The following JPH2 variants were observed in gnomAD, a reference collection of about 807,000 sequenced individuals.
JPH2 encodes junctophilin 2, also known as junctophilin-2.
A neutral mutation model predicts 55.9 loss-of-function variants in JPH2; 38 were observed. The ratio of observed to expected loss-of-function variants is 0.68; its 90% CI spans 0.52 to 0.89. JPH2 has a LOEUF of 0.89. Ranked by LOEUF, JPH2 falls within the 40% of genes least tolerant of loss-of-function variation. The probability of loss-of-function intolerance (pLI) is 0.00; values close to 1 mark genes in which losing one functional copy is unlikely to be tolerated. For missense variants in JPH2, 964 were observed against 1,037.6 expected (o/e 0.93, Z 0.97); for synonymous variants, 480 against 472.4 (o/e 1.02, Z -0.21).
chr20:44,172,227 A>C (rs377624702), intron 1 of JPH2, among the ~76,000 whole-genome samples: 2 of 152,214 alleles, frequency 1.3e-5, no homozygotes, highest in Admixed American at 1.3e-4. Flanking sequence ...AATACCGGGC[A>C]GTTTCAGGCA....
At chr20:44,164,203 A>C (rs1443027045) in intron 1 of JPH2, among the ~76,000 whole-genome samples, 4 of 152,208 alleles carry the variant, frequency 2.6e-5, no homozygotes, top group Non-Finnish European at 5.9e-5. Context: ...GGTATAGCTG[A>C]TGAAAAATGG....
intron 1 of JPH2, among the ~76,000 whole-genome samples, chr20:44,164,251 C>T (rs970606092): frequency 1.3e-5 from 2 of 152,120 alleles, no homozygotes; most frequent in African/African-American, 4.8e-5. Context: ...GTCGCATTTC[C>T]CAAGCTCATT....
intron 2 of JPH2, among the ~76,000 whole-genome samples, chr20:44,133,895 TATATATAA>T (rs1282274521): frequency 4.4e-5 from 2 of 45,128 alleles, no homozygotes; most frequent in Non-Finnish European, 7.8e-5. Flanking sequence ...TTATTATAAA[TATATATAA>T]ATAAATATAC....
chr20:44,168,556 A>G (rs1036814742), intron 1 of JPH2, among the ~76,000 whole-genome samples: 1 of 152,244 alleles, frequency 6.6e-6, no homozygotes, highest in African/African-American at 2.4e-5. Flanking sequence ...ATCTTAATGG[A>G]TACAGGTAAC....
intron 1 of JPH2, among the ~76,000 whole-genome samples, chr20:44,166,169 T>A (rs942376682): frequency 6.6e-6 from 1 of 152,228 alleles, no homozygotes; most frequent in African/African-American, 2.4e-5. Context: ...GTTTTGTCCA[T>A]CTGCAAACAG....
intron 1 of JPH2, among the ~76,000 whole-genome samples, chr20:44,182,887 G>T (rs577171200): frequency 6.6e-6 from 1 of 152,158 alleles, no homozygotes; most frequent in Non-Finnish European, 1.5e-5. Flanking sequence ...CAGTAGTACT[G>T]GTTGCATGAA....
chr20:44,159,501 T>G lies in JPH2; in HGVS notation c.1169+117A>C. 1 of 1,065,082 alleles carries G rather than the reference T, an allele frequency of 9.4e-7. No individual in the cohort carries two copies. The highest frequency in any genetic ancestry group is 1.4e-6 in the Non-Finnish European group (1 of 728,696). 66.0% of individuals were successfully genotyped at this position (1,065,082 alleles called of 1,614,324 possible). A position where few individuals can be genotyped will look rare whatever the true frequency, so the allele number is the denominator to read the frequency against. On this transcript the variant is annotated intron_variant, in intron 2 of 5. Coordinates refer to ENST00000372980, the MANE Select transcript of JPH2 (RefSeq NM_020433.5). This position sits in a 1 kb window ranked among gnomAD's most constrained non-coding sequence, Gnocchi z 5.7. ...AGAGCCTCCAATTAACCCCTGAAGG[T>G]GATGGGGGTAAAAGAAGCAGAATCA... is the stretch of plus-strand genomic sequence containing the variant.
chr20:44,164,146 A>G (rs1440055774), intron 1 of JPH2, among the ~76,000 whole-genome samples: 1 of 152,248 alleles, frequency 6.6e-6, no homozygotes, highest in Non-Finnish European at 1.5e-5. Flanking sequence ...AAGGAAGTGG[A>G]AAATGGGATT....
At position 44,134,661 on chromosome 20, in the gene JPH2, TA is replaced by T. The variant is rs1569195075; in HGVS notation, c.1170-16039del. Among the ~76,000 whole-genome samples the T allele has an allele frequency of 7.4e-4, 23 of 31,200 alleles. 1 individual carries two copies. The highest frequency in any genetic ancestry group is 1.0e-3 in the Non-Finnish European group (20 of 19,330). The allele number at this position is 31,200 out of a possible 152,430, so 20.5% of individuals were successfully genotyped here. A position where few individuals can be genotyped will look rare whatever the true frequency, so the allele number is the denominator to read the frequency against. Reference sequence around the variant, plus strand: ...AATATATAAATATTTATTATAAATATATATAAATATATATTTATAAATATTA... The same window carrying T: ...AATATATAAATATTTATTATAAATATTATAAATATATATTTATAAATATTA... On this transcript the variant is annotated intron_variant, in intron 2 of 5. Coordinates refer to ENST00000372980, the MANE Select transcript of JPH2 (RefSeq NM_020433.5).
In JPH2 at chr20:44,116,050, C is replaced by T. The variant is rs369279135; in HGVS notation, c.1625G>A (p.Arg542His). The change falls in exon 4 of 6, where the codon CGC becomes CAC. Residue 542 changes from arginine to histidine, a missense_variant. By Grantham distance (29) the Arg-to-His change is conservative (BLOSUM62 0). Transcript: ENST00000372980. Reference protein sequence around the residue: ...RRSPARPATERMAIEALQAPP... With the variant: ...RRSPARPATEHMAIEALQAPP... ...TGCCTGCAGAGCCTCGATGGCCATG[C>T]GCTCGGTGGCTGGACGCGCGGGGCT... is the stretch of plus-strand genomic sequence containing the variant. The T allele has an allele frequency of 2.4e-5, 38 of 1,562,560 alleles. No individual in the cohort carries two copies. The highest frequency in any genetic ancestry group is 5.8e-5 in the South Asian group (5 of 86,762).
chr20:44,177,301 C>T (rs2072742287), intron 1 of JPH2: 3 of 985,990 alleles, frequency 3.0e-6, no homozygotes, highest in Non-Finnish European at 3.6e-6. Flanking sequence ...AAATGAGACT[C>T]GGCATTCCTC....
At chr20:44,137,603 G>GCCAC (rs1229188872) in intron 2 of JPH2, among the ~76,000 whole-genome samples, 1 of 152,234 alleles carries the variant, frequency 6.6e-6, no homozygotes, top group Non-Finnish European at 1.5e-5. Context: ...GGAGGAAGAA[G>GCCAC]CCACCAGGCG....
chr20:44,167,546 C>G (rs1184267683), intron 1 of JPH2, among the ~76,000 whole-genome samples: 1 of 152,090 alleles, frequency 6.6e-6, no homozygotes, highest in African/African-American at 2.4e-5. Flanking sequence ...TATTGGTGTA[C>G]ATGTAAAATG....
intron 1 of JPH2, among the ~76,000 whole-genome samples, chr20:44,171,071 C>G (rs527371437): frequency 8.5e-5 from 13 of 152,250 alleles, no homozygotes; most frequent in African/African-American, 3.1e-4. Flanking sequence ...GCAGGTTACT[C>G]CCCATCTCAA....
rs1236878549 is a variant in JPH2 at position 44,110,351 on chromosome 20, A to G, written c.*3167T>C. On this transcript the variant is annotated 3_prime_UTR_variant, in exon 6 of 6. Transcript: ENST00000372980. ...CAATTCCCTCCCCATTTCCACTCCC[A>G]CCTCCCCTCCTGTGCTTCCTCCAAG... 2.1e-5 allele frequency among the ~76,000 whole-genome samples: 3 copies of G among 146,006 alleles called. No individual in the cohort carries two copies. Among genetic ancestry groups the G allele is most frequent in the Non-Finnish European group, 4.5e-5 (3 of 66,324 alleles).
At position 44,116,166 on chromosome 20, in the gene JPH2, C is replaced by T; in HGVS notation, c.1509G>A (p.Lys503=). Residue 503 remains lysine (K), a synonymous_variant, in exon 4 of 6, where the codon AAG becomes AAA. Coordinates refer to ENST00000372980, the MANE Select transcript of JPH2 (RefSeq NM_020433.5). ...QPKRPRPGVS[K]DGLLSPGAWN... The stretch of plus-strand genomic sequence containing the variant: ...AGGCGCCTGGGCTCAGCAGGCCGTC[C>T]TTGGACACCCCGGGCCTGGGCCGCT... The T allele has an allele frequency of 7.1e-7, 1 of 1,415,492 alleles. No homozygotes were observed. 87.7% of individuals were successfully genotyped at this position (1,415,492 alleles called of 1,614,324 possible).
chr20:44,149,962 G>GA lies in JPH2; in HGVS notation c.1169+9655_1169+9656insT, dbSNP rs374913556. Reference sequence around the variant, plus strand: ...ACTGCACTCCAGCCTGGGCGACAGAGGAAAAAAAAAAAAAAAAAAAAAAAA... The same window carrying GA: ...ACTGCACTCCAGCCTGGGCGACAGAGAGAAAAAAAAAAAAAAAAAAAAAAAA... On this transcript the variant is annotated intron_variant, in intron 2 of 5. Coordinates refer to ENST00000372980, the MANE Select transcript of JPH2 (RefSeq NM_020433.5). Among the ~76,000 whole-genome samples the GA allele has an allele frequency of 3.2e-4, 37 of 116,758 alleles. 1 individual carries two copies. The highest frequency in any genetic ancestry group is 6.5e-4 in the East Asian group (3 of 4,586). The allele number at this position is 116,758 out of a possible 152,430, so 76.6% of individuals were successfully genotyped here.
chr20:44,156,301 T>A (rs941526547), intron 2 of JPH2, among the ~76,000 whole-genome samples: 1 of 152,224 alleles, frequency 6.6e-6, no homozygotes, highest in Non-Finnish European at 1.5e-5. Context: ...GGGTAGAGTG[T>A]ATGGAAACTC....
At chr20:44,133,752 C>T (rs1221812166) in intron 2 of JPH2, among the ~76,000 whole-genome samples, 1 of 149,288 alleles carries the variant, frequency 6.7e-6, no homozygotes, top group South Asian at 2.1e-4. Context: ...GGTCCTGTTC[C>T]ATCTGATGCT....
Sources: allele counts gnomAD v4.1 joint callset (sites outside exome capture counted in the v4.1 genomes callset), GRCh38; gene constraint gnomAD v4.1.1; non-coding constraint Gnocchi (gnomAD v3.1); transcripts MANE v1.5; gene names NCBI Gene and HGNC (gene_info 2026-07-23, HGNC 2026-07-21).